The following ARHGEF33 variants were observed in gnomAD, a reference collection of about 807,000 sequenced individuals.
ARHGEF33 encodes Rho guanine nucleotide exchange factor 33.
A neutral mutation model predicts 101.9 loss-of-function variants in ARHGEF33; 72 were observed. That is an observed-to-expected ratio of 0.71 (90% CI 0.58 to 0.86). ARHGEF33 has a LOEUF of 0.86. ARHGEF33 is among the 40% of genes least tolerant of loss of function. The probability of loss-of-function intolerance (pLI) is 0.00; values close to 1 mark genes in which losing one functional copy is unlikely to be tolerated. For synonymous variants in ARHGEF33, 499 were observed against 442.5 expected (o/e 1.13, Z -1.60); for missense variants, 1,169 against 1,111.3 (o/e 1.05, Z -0.74).
chr2:38,904,572 C>T (rs912882251), intron 2 of ARHGEF33, among the ~76,000 whole-genome samples: 12 of 151,540 alleles, frequency 7.9e-5, no homozygotes, highest in Non-Finnish European at 1.6e-4. Flanking sequence ...CAGGCGTAGT[C>T]GTGGGTGCCT....
intron 2 of ARHGEF33, among the ~76,000 whole-genome samples, chr2:38,905,293 G>A (rs1558423795): frequency 2.0e-5 from 3 of 152,140 alleles, no homozygotes; most frequent in Admixed American, 6.5e-5. Context: ...GAACTGTTTA[G>A]CATAATTTCA....
rs375326777 is a variant in ARHGEF33, at chr2:38,919,513, A to T, written c.25+41A>T. On this transcript the variant is annotated intron_variant, in intron 3 of 17. Coordinates refer to ENST00000409978, the MANE Select transcript of ARHGEF33 (RefSeq NM_001145451.5). ...TGTCTTGCTTTAGGACTTAGGATTC[A>T]AGGAATGTAGGTTTTTGTCTTGTCT... 5 of 1,550,184 alleles carry T rather than the reference A, an allele frequency of 3.2e-6. No homozygotes were observed. The Admixed American group carries it at 9.8e-5, about 30-fold the overall frequency.
intron 13 of ARHGEF33, among the ~76,000 whole-genome samples, chr2:38,954,953 A>C (rs1667703405): frequency 6.6e-6 from 1 of 152,064 alleles, no homozygotes; most frequent in Non-Finnish European, 1.5e-5. Context: ...TATTTCTAAA[A>C]ATTTTCAGCT....
intron 2 of ARHGEF33, 72 bp from the exon 3 acceptor site, chr2:38,919,291 T>G: frequency 1.5e-6 from 1 of 677,930 alleles, no homozygotes; most frequent in Non-Finnish European, 2.5e-6. Flanking sequence ...ATTTTTTTAC[T>G]AATGTAAGAA....
intron 17 of ARHGEF33, among the ~76,000 whole-genome samples, chr2:38,966,842 G>A (rs1179884462): frequency 8.5e-5 from 13 of 152,198 alleles, no homozygotes; most frequent in Admixed American, 8.5e-4. Context: ...AAAATGTAAG[G>A]AAGAGAGAGG....
At chr2:38,907,022 G>A (rs1666407856) in intron 2 of ARHGEF33, among the ~76,000 whole-genome samples, 2 of 152,088 alleles carry the variant, frequency 1.3e-5, no homozygotes, top group South Asian at 2.1e-4. Context: ...GCCAAAGCAG[G>A]CTTCATGAAG....
At chr2:38,959,800 C>A in intron 15 of ARHGEF33, 41 bp from the exon 16 acceptor site, 1 of 1,491,858 alleles carries the variant, frequency 6.7e-7, no homozygotes, top group Non-Finnish European at 9.0e-7. Flanking sequence ...CACTAACCGG[C>A]CGTAAGCACA....
intron 2 of ARHGEF33, among the ~76,000 whole-genome samples, chr2:38,901,368 C>G (rs1388574812): frequency 1.3e-5 from 2 of 152,208 alleles, no homozygotes; most frequent in South Asian, 4.1e-4. Flanking sequence ...AGTTGCCAAG[C>G]AGCTGGTTGC....
chr2:38,953,187 C>T lies in ARHGEF33; in HGVS notation c.1079C>T (p.Ala360Val). ...DENNFLDYYVAYLRDLPECIS... is the reference protein window; with the variant it reads ...DENNFLDYYVVYLRDLPECIS... The stretch of plus-strand genomic sequence containing the variant: ...AATAATTTCTTGGATTATTATGTTG[C>T]CTACCTAAGGGACCTGCCTGAGTGC... Residue 360 changes from alanine (A) to valine (V), a missense_variant, in exon 12 of 18, where the codon GCC becomes GTC. By Grantham distance (64) the Ala-to-Val change is moderately conservative. Coordinates refer to ENST00000409978, the MANE Select transcript of ARHGEF33 (RefSeq NM_001145451.5). The T allele has an allele frequency of 5.2e-6, 8 of 1,536,716 alleles. No homozygotes were observed. The highest frequency in any genetic ancestry group is 7.1e-6 in the Non-Finnish European group (8 of 1,133,038).
chr2:38,960,731 T>C, intron 16 of ARHGEF33, 83 bp downstream of exon 16: 1 of 1,110,398 alleles, frequency 9.0e-7, no homozygotes, highest in Non-Finnish European at 1.1e-6. Flanking sequence ...TCTCCTAGCG[T>C]GGAGAGGAGC....
At chr2:38,964,830 C>T (rs1230556076) in intron 16 of ARHGEF33, among the ~76,000 whole-genome samples, 2 of 152,052 alleles carry the variant, frequency 1.3e-5, no homozygotes, top group African/African-American at 4.8e-5. Context: ...TAAGGATTAC[C>T]TAGGCCTAAC....
At chr2:38,913,038 GTTT>G (rs537468439) in intron 2 of ARHGEF33, among the ~76,000 whole-genome samples, 3 of 135,762 alleles carry the variant, frequency 2.2e-5, no homozygotes, top group African/African-American at 2.7e-5. Flanking sequence ...TCAACAAATT[GTTT>G]TTTTTTTTTT....
At chr2:38,946,178 T>C (rs1008687628) in intron 10 of ARHGEF33, among the ~76,000 whole-genome samples, 4 of 152,220 alleles carry the variant, frequency 2.6e-5, no homozygotes, top group Admixed American at 6.5e-5. Context: ...CGGGAGGTCA[T>C]AGGGGAGAGA....
chr2:38,946,658 C>T (rs1207746041), intron 10 of ARHGEF33, among the ~76,000 whole-genome samples: 1 of 152,162 alleles, frequency 6.6e-6, no homozygotes, highest in Non-Finnish European at 1.5e-5. Flanking sequence ...CAGGATCTCA[C>T]TCTGTTGCCC....
At position 38,960,504 on chromosome 2, in the gene ARHGEF33, C is replaced by T. The variant is rs1572778931; in HGVS notation, c.2199C>T (p.Gly733=). ...TCTACAGCACGCGCAGCAGCAGCGGCGGCCGCGCGCCCATCAAGGCCGAGC... is the reference window on the plus strand; with the variant it reads ...TCTACAGCACGCGCAGCAGCAGCGGTGGCCGCGCGCCCATCAAGGCCGAGC... The part of the protein sequence containing the change: ...PRLYSTRSSS[G]GRAPIKAERA... The change falls in exon 16 of 18, where the codon GGC becomes GGT. Residue 733 remains glycine, a synonymous_variant. Coordinates refer to ENST00000409978, the MANE Select transcript of ARHGEF33 (RefSeq NM_001145451.5). The T allele has an allele frequency of 7.4e-7, 1 of 1,347,260 alleles. No individual in the cohort carries two copies. The highest frequency in any genetic ancestry group is 9.5e-7 in the Non-Finnish European group (1 of 1,049,026). The allele number at this position is 1,347,260 out of a possible 1,614,324, so 83.5% of individuals were successfully genotyped here.
At chr2:38,895,316 T>C (rs1901290) in intron 1 of ARHGEF33, among the ~76,000 whole-genome samples, 136,945 of 152,222 alleles carry the variant, frequency 0.9, 63,433 homozygotes, top group Non-Finnish European at 1. Flanking sequence ...CAATTGGCGC[T>C]TAAAGAAAAA....
At chr2:38,956,585 TA>T (rs1667772174) in intron 13 of ARHGEF33, among the ~76,000 whole-genome samples, 1 of 152,212 alleles carries the variant, frequency 6.6e-6, no homozygotes, top group African/African-American at 2.4e-5. Flanking sequence ...GCACTACTTA[TA>T]GACAGTAATT....
intron 10 of ARHGEF33, among the ~76,000 whole-genome samples, chr2:38,949,118 G>T (rs1262738827): frequency 6.6e-6 from 1 of 152,056 alleles, no homozygotes; most frequent in African/African-American, 2.4e-5. Flanking sequence ...AGTCACAGAG[G>T]TCACTTTGCT....
chr2:38,925,340 C>T (rs910981678), intron 4 of ARHGEF33, among the ~76,000 whole-genome samples: 2 of 152,162 alleles, frequency 1.3e-5, no homozygotes, highest in East Asian at 1.9e-4. Context: ...TAGGTTTCAT[C>T]GTCAAAACTG....
Sources: allele counts gnomAD v4.1 joint callset (sites outside exome capture counted in the v4.1 genomes callset), GRCh38; gene constraint gnomAD v4.1.1; transcripts MANE v1.5; gene names NCBI Gene and HGNC (gene_info 2026-07-23, HGNC 2026-07-21).